Variants in SYT16 observed in about 807,000 individuals in gnomAD.
SYT16 encodes the protein synaptotagmin-16.
In SYT16, 42 loss-of-function variants were observed where a neutral mutation model predicts 61.4. The ratio of observed to expected loss-of-function variants is 0.68; its 90% CI spans 0.53 to 0.89. SYT16 has a LOEUF of 0.89. Among genes scored for constraint, SYT16 ranks in the 40% least tolerant of loss-of-function variants. SYT16 has a pLI of 0.00. For synonymous variants in SYT16, 314 were observed against 302.3 expected (o/e 1.04, Z -0.40); for missense variants, 804 against 807.3 (o/e 1.00, Z 0.05).
chr14:61,854,510 A>T (rs528793781), intron 1 of SYT16, among the ~76,000 whole-genome samples: 1 of 152,340 alleles, frequency 6.6e-6, no homozygotes, highest in Admixed American at 6.5e-5. Flanking sequence ...TAGTAAGTGG[A>T]TTGGCTTTTG....
chr14:62,038,152 G>A (rs898954399), intron 3 of SYT16, among the ~76,000 whole-genome samples: 9 of 151,716 alleles, frequency 5.9e-5, no homozygotes, highest in African/African-American at 1.9e-4. Flanking sequence ...ACACATGGCC[G>A]GTAGTTTCGC....
chr14:61,957,783 T>G (rs2050940751), intron 1 of SYT16, among the ~76,000 whole-genome samples: 1 of 151,754 alleles, frequency 6.6e-6, no homozygotes, highest in Non-Finnish European at 1.5e-5. Context: ...TGTGGTGGTT[T>G]TGTCTGGTGT....
intron 3 of SYT16, among the ~76,000 whole-genome samples, chr14:62,035,892 G>A (rs1595217322): frequency 6.6e-6 from 1 of 152,162 alleles, no homozygotes; most frequent in African/African-American, 2.4e-5. Context: ...TCCAACTACA[G>A]TAGGATGGGG....
At chr14:61,938,053 A>ACACACACACACG (rs1306139702) in intron 1 of SYT16, among the ~76,000 whole-genome samples, 1 of 151,946 alleles carries the variant, frequency 6.6e-6, no homozygotes, top group Admixed American at 6.6e-5. Flanking sequence ...ACACACACAC[A>ACACACACACACG]CACACAGAGT....
intron 1 of SYT16, among the ~76,000 whole-genome samples, chr14:61,926,341 CAT>C: frequency 6.6e-6 from 1 of 152,308 alleles, no homozygotes. Flanking sequence ...CATAGACAGA[CAT>C]ATGAATATAG....
chr14:62,037,164 C>T (rs2054542945), intron 3 of SYT16, among the ~76,000 whole-genome samples: 2 of 150,808 alleles, frequency 1.3e-5, no homozygotes, highest in African/African-American at 2.5e-5. Context: ...ATCTGGTCCC[C>T]ACTTGAAATG....
At chr14:61,857,849 G>A (rs1445699651) in intron 1 of SYT16, among the ~76,000 whole-genome samples, 2 of 152,106 alleles carry the variant, frequency 1.3e-5, no homozygotes, top group African/African-American at 4.8e-5. Context: ...GGAAGAAAGA[G>A]TATATGGAAG....
chr14:61,935,462 G>A (rs1475616877), intron 1 of SYT16, among the ~76,000 whole-genome samples: 1 of 152,168 alleles, frequency 6.6e-6, no homozygotes, highest in East Asian at 1.9e-4. Context: ...AGCCTTGGTC[G>A]CTGGTACTGG....
chr14:62,034,525 A>G (rs75883764), intron 3 of SYT16, among the ~76,000 whole-genome samples: 2,891 of 152,146 alleles, frequency 0.019, 45 homozygotes, highest in Middle Eastern at 0.031. Flanking sequence ...TTGGCTGTAA[A>G]AAGAATGAAC....
chr14:62,001,868 C>T (rs576976118), intron 3 of SYT16, among the ~76,000 whole-genome samples: 4 of 152,070 alleles, frequency 2.6e-5, no homozygotes, highest in Non-Finnish European at 5.9e-5. Context: ...ATCAAGTCTA[C>T]GAAAGCCTTT....
At chr14:61,946,961 G>T (rs565584479) in intron 1 of SYT16, among the ~76,000 whole-genome samples, 1 of 152,236 alleles carries the variant, frequency 6.6e-6, no homozygotes, top group East Asian at 1.9e-4. Flanking sequence ...CTGCTTGGCA[G>T]AGCCATGAGC....
At chr14:61,998,487 C>T (rs770960956) in intron 3 of SYT16, among the ~76,000 whole-genome samples, 5 of 151,926 alleles carry the variant, frequency 3.3e-5, no homozygotes, top group South Asian at 2.1e-4. Context: ...CCTACCATAA[C>T]GCGTTTGAGA....
chr14:62,035,786 A>G (rs1431586784), intron 3 of SYT16, among the ~76,000 whole-genome samples: 2 of 152,202 alleles, frequency 1.3e-5, no homozygotes, highest in Admixed American at 1.3e-4. Flanking sequence ...TGAAATATAT[A>G]ATTGATTCAT....
chr14:62,102,243 ATATT>A lies in SYT16; in HGVS notation c.*1541_*1544del, dbSNP rs2057434651. 6.6e-6 allele frequency: 1 copy of A among 152,212 alleles called. No individual in the cohort carries two copies. Among genetic ancestry groups the A allele is most frequent in the African/African-American group, 2.4e-5 (1 of 41,446 alleles). 9.4% of individuals were successfully genotyped at this position (152,212 alleles called of 1,614,324 possible). A position where few individuals can be genotyped will look rare whatever the true frequency, so the allele number is the denominator to read the frequency against. ...GCGTAGGCTGTAACACTTGAAGAAC[ATATT>A]TATTCCTTACAGTGTGTAATGGTTA... On this transcript the variant is annotated 3_prime_UTR_variant, in exon 8 of 8. Transcript: ENST00000683842.
In SYT16 at chr14:62,045,867, G is replaced by A. The variant is rs932357993; in HGVS notation, c.524-23736G>A. On this transcript the variant is annotated intron_variant, in intron 3 of 7. Coordinates refer to ENST00000683842, the MANE Select transcript of SYT16 (RefSeq NM_001367656.1). ...CAGTCTATCATTGTTGGACATTTAGGTTGGTTCCAAGTCTTTGCTATTGTG... is the reference window on the plus strand; with the variant it reads ...CAGTCTATCATTGTTGGACATTTAGATTGGTTCCAAGTCTTTGCTATTGTG... 5.9e-5 allele frequency among the ~76,000 whole-genome samples: 9 copies of A among 152,294 alleles called. No individual in the cohort carries two copies. In the Middle Eastern group the frequency reaches 0.02, roughly 345 times the overall value.
chr14:61,989,159 G>GT (rs2052441757), intron 2 of SYT16, among the ~76,000 whole-genome samples: 1 of 151,962 alleles, frequency 6.6e-6, no homozygotes, highest in Non-Finnish European at 1.5e-5. Context: ...TTTTTCCGTG[G>GT]TATTAGCTCA....
chr14:61,817,419 C>CAA lies in SYT16; in HGVS notation c.-325+4625_-325+4626dup, dbSNP rs58438991. On this transcript the variant is annotated intron_variant, in intron 1 of 7. Transcript: ENST00000683842. ...GGCAACAAGAGCAAAACTCCATCTC[C>CAA]AAAAAAAAAAAAAAAAAGAATAATG... 9.5e-3 allele frequency among the ~76,000 whole-genome samples: 783 copies of CAA among 82,544 alleles called. 11 individuals carry two copies. Among genetic ancestry groups the CAA allele is most frequent in the African/African-American group, 0.032 (755 of 23,900 alleles). 54.2% of individuals were successfully genotyped at this position (82,544 alleles called of 152,430 possible).
At chr14:61,888,790 A>G (rs1027881478) in intron 1 of SYT16, among the ~76,000 whole-genome samples, 4 of 151,232 alleles carry the variant, frequency 2.6e-5, no homozygotes, top group Non-Finnish European at 4.4e-5. Context: ...AAAAAAAAGC[A>G]ATATCTGTGA....
chr14:62,056,601 G>A (rs1276699683), intron 3 of SYT16, among the ~76,000 whole-genome samples: 1 of 152,140 alleles, frequency 6.6e-6, no homozygotes, highest in Non-Finnish European at 1.5e-5. Flanking sequence ...TTGCAGAAAC[G>A]CACGTAGATG....
Sources: gnomAD v4.1 joint callset for allele counts (sites outside exome capture counted in the v4.1 genomes callset) on GRCh38, gnomAD v4.1.1 for gene constraint, MANE v1.5 for transcripts, NCBI Gene and HGNC (gene_info 2026-07-23, HGNC 2026-07-21) for gene names.